LYRM1: variants seen among roughly 807,000 people sequenced by gnomAD.
The protein encoded by LYRM1 is LYR motif-containing protein 1.
LYRM1 carries 14 observed loss-of-function variants against 14.9 expected under a neutral mutation model. That is an observed-to-expected ratio of 0.94 (90% confidence interval 0.62 to 1.47). The LOEUF (loss-of-function observed/expected upper bound fraction) is 1.47, where lower values mean the gene tolerates loss of function less well. Ranked by LOEUF, LYRM1 falls within the 40% of genes most tolerant of loss-of-function variation. LYRM1 has a pLI of 0.00. For missense variants in LYRM1, 153 were observed against 149.9 expected (o/e 1.02, Z -0.11); for synonymous variants, 43 against 56.2 (o/e 0.77, Z 1.05).
At chr16:20,913,095 ATAAT>A (rs1464691567) in intron 1 of LYRM1, among the ~76,000 whole-genome samples, 1 of 149,882 alleles carries the variant, frequency 6.7e-6, no homozygotes, top group Non-Finnish European at 1.5e-5. Context: ...AATAATAATA[ATAAT>A]TAAATAAATA....
At chr16:20,920,339 G>A in intron 3 of LYRM1, 125 bp downstream of exon 3, 1 of 749,526 alleles carries the variant, frequency 1.3e-6, no homozygotes, top group Non-Finnish European at 2.4e-6. Flanking sequence ...GAGGCATGTT[G>A]GAAATAAGCT....
chr16:20,920,212 C>G lies in LYRM1; in HGVS notation c.250C>G (p.Pro84Ala). The change falls in exon 3 of 4, where the codon CCA (proline) becomes GCA (alanine). Residue 84 changes from proline to alanine, a missense_variant and splice_region_variant. Pro to Ala is a conservative substitution (Grantham distance 27). Coordinates refer to ENST00000567954, the MANE Select transcript of LYRM1 (RefSeq NM_001128302.3). ...GLHYKIPYPRPIHLPPMGLTP... is the reference protein window; with the variant it reads ...GLHYKIPYPRAIHLPPMGLTP... The stretch of plus-strand genomic sequence containing the variant: ...GCATTACAAGATTCCTTACCCAAGG[C>G]CAGTAAGTGTGACTCCGGTTAACAA... 6.2e-7 allele frequency: 1 copy of G among 1,610,160 alleles called. No individual in the cohort carries two copies. Among genetic ancestry groups the G allele is most frequent in the Non-Finnish European group, 8.5e-7 (1 of 1,176,384 alleles).
chr16:20,907,333 A>G (rs1390920044), intron 1 of LYRM1, among the ~76,000 whole-genome samples: 2 of 152,046 alleles, frequency 1.3e-5, no homozygotes, highest in Admixed American at 6.5e-5. Context: ...CCCTTTCCCA[A>G]AGGCTCTTGT....
intron 1 of LYRM1, among the ~76,000 whole-genome samples, chr16:20,910,573 T>C (rs533788864): frequency 6.6e-6 from 1 of 152,354 alleles, no homozygotes; most frequent in African/African-American, 2.4e-5. Flanking sequence ...ACAGTGATTC[T>C]TAGAGTCATA....
chr16:20,922,817 C>G (rs2083265556), intron 3 of LYRM1, among the ~76,000 whole-genome samples: 1 of 152,058 alleles, frequency 6.6e-6, no homozygotes, highest in African/African-American at 2.4e-5. Context: ...GGAATTGGTG[C>G]ATGTGATTAT....
At chr16:20,914,772 C>T (rs2082788149) in intron 1 of LYRM1, among the ~76,000 whole-genome samples, 1 of 152,152 alleles carries the variant, frequency 6.6e-6, no homozygotes, top group African/African-American at 2.4e-5. Flanking sequence ...TTCAAGGGGG[C>T]ATTTCCTGTC....
chr16:20,915,609 G>C lies in LYRM1; in HGVS notation c.54G>C (p.Arg18Ser). ...TTGGCCTCTACCGCAGCATTTTCAGGCTTGCGAGGAAATGGCAGGCGACAT... is the reference window on the plus strand; with the variant it reads ...TTGGCCTCTACCGCAGCATTTTCAGCCTTGCGAGGAAATGGCAGGCGACAT... The part of the protein sequence containing the change: ...EVLGLYRSIF[R>S]LARKWQATSG... The change falls in exon 2 of 4, where the codon AGG becomes AGC. Residue 18 changes from arginine (R) to serine (S), a missense_variant. Arg to Ser is a moderately radical substitution (Grantham distance 110, BLOSUM62 -1). Transcript: ENST00000567954. 2 of 1,614,104 alleles carry C rather than the reference G, an allele frequency of 1.2e-6. No individual in the cohort carries two copies. The highest frequency in any genetic ancestry group is 8.5e-7 in the Non-Finnish European group (1 of 1,180,026).
intron 1 of LYRM1, among the ~76,000 whole-genome samples, chr16:20,906,867 C>T (rs761814306): frequency 6.6e-6 from 1 of 152,112 alleles, no homozygotes; most frequent in African/African-American, 2.4e-5. Context: ...TCTGGGTATG[C>T]CTTGTACAGT....
At chr16:20,914,264 T>C (rs922296288) in intron 1 of LYRM1, among the ~76,000 whole-genome samples, 1 of 148,908 alleles carries the variant, frequency 6.7e-6, no homozygotes, top group East Asian at 2.0e-4. Flanking sequence ...TTGTTTGGCC[T>C]GTACAGTCGT....
At chr16:20,910,778 A>C (rs959175803) in intron 1 of LYRM1, among the ~76,000 whole-genome samples, 59 of 152,252 alleles carry the variant, frequency 3.9e-4, no homozygotes, top group Non-Finnish European at 7.4e-4. Context: ...TGCCTCTAAA[A>C]AAAAAAACAA....
At chr16:20,915,361 G>A (rs531121909) in intron 1 of LYRM1, among the ~76,000 whole-genome samples, 195 bp from the exon 2 acceptor site, 1 of 151,722 alleles carries the variant, frequency 6.6e-6, no homozygotes, top group Non-Finnish European at 1.5e-5. Context: ...TCGGGCGGCT[G>A]AGGCAGGAGA....
chr16:20,917,366 G>C lies in LYRM1; in HGVS notation c.159+1652G>C, dbSNP rs887115026. Among the ~76,000 whole-genome samples, 37 of 151,874 alleles carry C rather than the reference G, an allele frequency of 2.4e-4. 1 individual carries two copies. The East Asian group carries it at 2.9e-3, about 12-fold the overall frequency. On this transcript the variant is annotated intron_variant, in intron 2 of 3. Transcript: ENST00000567954. ...AGTCTGTCTGGTACACAGTTACAAT[G>C]AACTTGTTAGTACATATATATAATT...
chr16:20,904,532 A>G (rs187050659), intron 1 of LYRM1, among the ~76,000 whole-genome samples: 14 of 152,266 alleles, frequency 9.2e-5, no homozygotes, highest in Non-Finnish European at 1.5e-5. Flanking sequence ...TTCTGTGTAA[A>G]AAGATGCTGT....
chr16:20,906,222 G>A, intron 1 of LYRM1, among the ~76,000 whole-genome samples: 1 of 152,176 alleles, frequency 6.6e-6, no homozygotes, highest in East Asian at 1.9e-4. Flanking sequence ...CACTGACCCA[G>A]CCCCAGTGTG....
intron 3 of LYRM1, among the ~76,000 whole-genome samples, chr16:20,922,831 G>A (rs1461120999): frequency 6.6e-6 from 1 of 152,140 alleles, no homozygotes; most frequent in Non-Finnish European, 1.5e-5. Flanking sequence ...TGATTATAGA[G>A]GCTGAGAAGT....
chr16:20,907,858 A>C (rs1164957871), intron 1 of LYRM1, among the ~76,000 whole-genome samples: 4 of 152,154 alleles, frequency 2.6e-5, no homozygotes, highest in Admixed American at 1.3e-4. Flanking sequence ...TTCAGAGCAC[A>C]TATGACTGTC....
chr16:20,906,245 G>A (rs1010130200), intron 1 of LYRM1, among the ~76,000 whole-genome samples: 13 of 152,304 alleles, frequency 8.5e-5, no homozygotes, highest in East Asian at 1.9e-4. Context: ...AAGGGCACCC[G>A]TCCAGAAGTG....
chr16:20,919,954 T>C (rs1333985797), intron 2 of LYRM1, among the ~76,000 whole-genome samples, 168 bp from the exon 3 acceptor site: 1 of 152,222 alleles, frequency 6.6e-6, no homozygotes, highest in African/African-American at 2.4e-5. Flanking sequence ...CTTTAACGAT[T>C]TTAAAAGTTT....
chr16:20,907,080 A>ACTC (rs1262861900), intron 1 of LYRM1, among the ~76,000 whole-genome samples: 1 of 151,884 alleles, frequency 6.6e-6, no homozygotes, highest in East Asian at 1.9e-4. Context: ...CTTGACCCTG[A>ACTC]CTCCTGTCAA....
Sources: allele counts gnomAD v4.1 joint callset (sites outside exome capture counted in the v4.1 genomes callset), GRCh38; gene constraint gnomAD v4.1.1; transcripts MANE v1.5; gene names NCBI Gene and HGNC (gene_info 2026-07-23, HGNC 2026-07-21).